MRM3: variants seen among roughly 807,000 people sequenced by gnomAD.
MRM3 encodes rRNA methyltransferase 3, mitochondrial.
In MRM3, 26 loss-of-function variants were observed where a neutral mutation model predicts 29.4. That is an observed-to-expected ratio of 0.89 (90% CI 0.65 to 1.23). The LOEUF (loss-of-function observed/expected upper bound fraction) is 1.23, where lower values mean the gene tolerates loss of function less well. Among genes scored for constraint, MRM3 ranks in the 50% most tolerant of loss-of-function variants. MRM3 has a pLI of 0.00. For synonymous variants in MRM3, 225 were observed against 219.0 expected (o/e 1.03, Z -0.24); for missense variants, 578 against 540.2 (o/e 1.07, Z -0.69).
Position 787,954 on chromosome 17 carries a change from T to G in MRM3, c.560-11T>G, listed in dbSNP as rs1223478084. On this transcript the variant is annotated splice_polypyrimidine_tract_variant and intron_variant, in intron 2 of 3. Transcript: ENST00000304478. This position sits in a 1 kb window ranked among gnomAD's most constrained non-coding sequence, Gnocchi z 4.1. ...CACCAGGCAAGTAAACCACCTGTTT[T>G]GTTTCCTCAGGGATTTTTGCCAAGC... 6.2e-7 allele frequency: 1 copy of G among 1,613,032 alleles called. No individual in the cohort carries two copies. The highest frequency in any genetic ancestry group is 2.2e-5 in the East Asian group (1 of 44,888).
intron 3 of MRM3, among the ~76,000 whole-genome samples, chr17:788,459 T>A (rs1485420481): frequency 6.6e-6 from 1 of 150,924 alleles, no homozygotes; most frequent in Non-Finnish European, 1.5e-5. Context: ...CCAGGTGGAT[T>A]AGTTGGTCTG....
rs1342170298 is a variant in MRM3 at position 787,541 on chromosome 17, T to TTTATTCGTGG, written c.560-422_560-421insATTCGTGGTT. On this transcript the variant is annotated intron_variant, in intron 2 of 3. Coordinates refer to ENST00000304478, the MANE Select transcript of MRM3 (RefSeq NM_018146.4). This position sits in a 1 kb window ranked among gnomAD's most constrained non-coding sequence, Gnocchi z 4.1. Reference sequence around the variant, plus strand: ...TTTGCCAATCAGAATGTATTCGTGGTTTTTTTTTTCCTTTTTTTTCTTTTT... The same window carrying TTTATTCGTGG: ...TTTGCCAATCAGAATGTATTCGTGGTTTATTCGTGGTTTTTTTTTCCTTTTTTTTCTTTTT... Among the ~76,000 whole-genome samples the TTTATTCGTGG allele has an allele frequency of 6.7e-6, 1 of 149,334 alleles. No homozygotes were observed. The highest frequency in any genetic ancestry group is 2.5e-5 in the African/African-American group (1 of 40,602).
rs1165154168 is a variant in MRM3 at position 782,409 on chromosome 17, G to C, written c.31G>C (p.Val11Leu). ...GGCGCTGGTGAGACCCGCGAGGTTT[G>C]TCGTGCGACCGTTGCTGCAGGTGGT... MAALVRPARF[V>L]VRPLLQVVQA... The change falls in exon 1 of 4, where the codon GTC becomes CTC. Residue 11 changes from valine to leucine, a missense_variant. Transcript: ENST00000304478. 1 of 1,613,898 alleles carries C rather than the reference G, an allele frequency of 6.2e-7. No individual in the cohort carries two copies. The highest frequency in any genetic ancestry group is 8.5e-7 in the Non-Finnish European group (1 of 1,179,962).
In MRM3 at chr17:787,987, T is replaced by C. The variant is rs375226299; in HGVS notation, c.582T>C (p.His194=). The C allele has an allele frequency of 5.8e-5, 94 of 1,613,836 alleles. No homozygotes were observed. Among genetic ancestry groups the C allele is most frequent in the Non-Finnish European group, 7.6e-5 (90 of 1,180,026 alleles). Residue 194 remains histidine (H), a synonymous_variant, in exon 3 of 4, where the codon CAT becomes CAC. Coordinates refer to ENST00000304478, the MANE Select transcript of MRM3 (RefSeq NM_018146.4). The surrounding 1 kb of genome is among the most constrained non-coding windows in gnomAD (Gnocchi z 4.1). The part of the protein sequence containing the change: ...GIMGIFAKPD[H]VKMTYPKTQL... The stretch of plus-strand genomic sequence containing the variant: ...CAGGGATTTTTGCCAAGCCTGACCA[T>C]GTTAAGATGACATATCCAAAGACTC...
At chr17:784,877 A>T (rs769971734) in intron 2 of MRM3, among the ~76,000 whole-genome samples, 23 of 152,178 alleles carry the variant, frequency 1.5e-4, no homozygotes, top group Admixed American at 1.0e-3. Context: ...AGGCTCTCTC[A>T]CAGCACACAG....
Position 782,437 on chromosome 17 carries a change from A to G in MRM3, c.59A>G (p.Gln20Arg). 1 of 1,614,008 alleles carries G rather than the reference A, an allele frequency of 6.2e-7. No individual in the cohort carries two copies. ...FVVRPLLQVVQAWDLDARRWV... is the reference protein window; with the variant it reads ...FVVRPLLQVVRAWDLDARRWV... ...GTGCGACCGTTGCTGCAGGTGGTCCAGGCTTGGGACCTTGACGCGAGGCGC... is the reference window on the plus strand; with the variant it reads ...GTGCGACCGTTGCTGCAGGTGGTCCGGGCTTGGGACCTTGACGCGAGGCGC... The change falls in exon 1 of 4, where the codon CAG becomes CGG. Residue 20 changes from glutamine (Q) to arginine (R), a missense_variant. Coordinates refer to ENST00000304478, the MANE Select transcript of MRM3 (RefSeq NM_018146.4).
chr17:790,535 A>G (rs929355228), intron 3 of MRM3: 42 of 202,858 alleles, frequency 2.1e-4, no homozygotes, highest in Admixed American at 3.9e-4. Flanking sequence ...TGCCTGTGCC[A>G]CCACACCCCC....
chr17:784,245 C>CT (rs1385853889), intron 2 of MRM3, among the ~76,000 whole-genome samples: 1 of 152,198 alleles, frequency 6.6e-6, no homozygotes, highest in Non-Finnish European at 1.5e-5. Flanking sequence ...AGAGGAGATT[C>CT]TGGGGAACCA....
chr17:784,889 C>T (rs567991690), intron 2 of MRM3, among the ~76,000 whole-genome samples: 21 of 152,178 alleles, frequency 1.4e-4, no homozygotes, highest in African/African-American at 4.3e-4. Context: ...AGCACACAGA[C>T]GCCTAATACC....
chr17:790,715 A>C (rs1189610417), intron 3 of MRM3, among the ~76,000 whole-genome samples: 28 of 59,638 alleles, frequency 4.7e-4, no homozygotes, highest in Admixed American at 1.5e-3. Context: ...ACACCCCCCC[A>C]CCCGCTGATT....
chr17:782,365 G>T lies in MRM3; in HGVS notation c.-14G>T. The T allele has an allele frequency of 6.2e-7, 1 of 1,613,348 alleles. No homozygotes were observed. Among genetic ancestry groups the T allele is most frequent in the Non-Finnish European group, 8.5e-7 (1 of 1,179,732 alleles). Reference sequence around the variant, plus strand: ...ACGGCGCGCTTTCGTGACGCAGCCCGGGTCTCAGGGAACATGGCGGCGCTG... The same window carrying T: ...ACGGCGCGCTTTCGTGACGCAGCCCTGGTCTCAGGGAACATGGCGGCGCTG... On this transcript the variant is annotated 5_prime_UTR_variant, in exon 1 of 4. Transcript: ENST00000304478.
chr17:784,886 A>T (rs1430602308), intron 2 of MRM3, among the ~76,000 whole-genome samples: 3 of 152,196 alleles, frequency 2.0e-5, no homozygotes, highest in African/African-American at 7.2e-5. Context: ...CACAGCACAC[A>T]GACGCCTAAT....
chr17:785,447 T>C (rs1043940249), intron 2 of MRM3, among the ~76,000 whole-genome samples: 1 of 152,168 alleles, frequency 6.6e-6, no homozygotes, highest in African/African-American at 2.4e-5. Context: ...GTAGAGATCA[T>C]TAAATAAGGA....
chr17:784,014 G>A (rs1238840697), intron 2 of MRM3, among the ~76,000 whole-genome samples: 1 of 152,160 alleles, frequency 6.6e-6, no homozygotes, highest in Non-Finnish European at 1.5e-5. Flanking sequence ...TCTAAGAAGC[G>A]AGGTACAAGC....
intron 2 of MRM3, among the ~76,000 whole-genome samples, chr17:783,803 A>G (rs1399989883): frequency 6.6e-6 from 1 of 152,204 alleles, no homozygotes; most frequent in Non-Finnish European, 1.5e-5. Flanking sequence ...GTTTTTCACT[A>G]TCATTTGTGT....
Position 783,085 on chromosome 17 carries a change from G to C in MRM3, c.317G>C (p.Ser106Thr), listed in dbSNP as rs774370748. 1.2e-6 allele frequency: 2 copies of C among 1,609,936 alleles called. No individual in the cohort carries two copies. Among genetic ancestry groups the C allele is most frequent in the Non-Finnish European group, 1.7e-6 (2 of 1,177,654 alleles). The change falls in exon 2 of 4, where the codon AGT becomes ACT. Residue 106 changes from serine to threonine, a missense_variant and splice_region_variant. Ser to Thr is a moderately conservative substitution (Grantham distance 58, BLOSUM62 1). Transcript: ENST00000304478. ...TTTTTTTTTATTTCCATCTACAGCA[G>C]TGTAATGACAATAGTAAAGTCCAGG... The part of the protein sequence containing the change: ...KAYPGDRRLS[S>T]VMTIVKSRPF...
At chr17:786,777 C>T (rs559346163) in intron 2 of MRM3, among the ~76,000 whole-genome samples, 16 of 152,252 alleles carry the variant, frequency 1.1e-4, no homozygotes, top group South Asian at 2.1e-4. Context: ...TAATAGTGCA[C>T]GCACATCATT....
rs2249542 is a variant in MRM3, at chr17:782,512, G to A, written c.134G>A (p.Gly45Glu). 0.24 allele frequency: 388,468 copies of A among 1,613,192 alleles called. 49,508 individuals carry two copies. Among genetic ancestry groups the A allele is most frequent in the Non-Finnish European group, 0.27 (315,494 of 1,179,264 alleles). ...CCAGTGAAAGTGGTGTTTCCTTCCG[G>A]AGAGGTGGTGGAACAGAAGCGCGCT... Reference protein sequence around the residue: ...RSPVKVVFPSGEVVEQKRAPG... With the variant: ...RSPVKVVFPSEEVVEQKRAPG... The change falls in exon 1 of 4, where the codon GGA becomes GAA. Residue 45 changes from glycine to glutamate, a missense_variant. Gly to Glu is a moderately conservative substitution (Grantham distance 98, BLOSUM62 -2). Coordinates refer to ENST00000304478, the MANE Select transcript of MRM3 (RefSeq NM_018146.4).
At position 783,319 on chromosome 17, in the gene MRM3, G is replaced by T. The variant is rs1156905766; in HGVS notation, c.551G>T (p.Gly184Val). 1 of 1,609,480 alleles carries T rather than the reference G, an allele frequency of 6.2e-7. No homozygotes were observed. Among genetic ancestry groups the T allele is most frequent in the African/African-American group, 1.3e-5 (1 of 74,504 alleles). ...TGGTCCGACCTCGTAACGCCACAAG[G>T]AATAATGGGTTAGTGATTACCCAGT... ...KDWSDLVTPQGIMGIFAKPDH... is the reference protein window; with the variant it reads ...KDWSDLVTPQVIMGIFAKPDH... Residue 184 changes from glycine (G) to valine (V), a missense_variant, in exon 2 of 4, where the codon GGA becomes GTA. By Grantham distance (109) the Gly-to-Val change is moderately radical (BLOSUM62 -3). Transcript: ENST00000304478.
Sources: allele counts gnomAD v4.1 joint callset (sites outside exome capture counted in the v4.1 genomes callset), GRCh38; gene constraint gnomAD v4.1.1; non-coding constraint Gnocchi (gnomAD v3.1); transcripts MANE v1.5; gene names NCBI Gene and HGNC (gene_info 2026-07-23, HGNC 2026-07-21).